The following SUMF1 variants were observed in gnomAD, a reference collection of about 807,000 sequenced individuals.
SUMF1 encodes sulfatase modifying factor 1, also known as formylglycine-generating enzyme.
In SUMF1, 48 loss-of-function variants were observed where a neutral mutation model predicts 47.6. That is an observed-to-expected ratio of 1.01 (90% CI 0.80 to 1.28). The LOEUF is 1.28. Among genes scored for constraint, SUMF1 ranks in the 50% most tolerant of loss-of-function variants. The pLI, the probability that SUMF1 is intolerant of heterozygous loss-of-function variation, is 0.00. For missense variants in SUMF1, 571 were observed against 485.4 expected (o/e 1.18, Z -1.66); for synonymous variants, 230 against 192.1 (o/e 1.20, Z -1.63).
chr3:4,274,019 T>C (rs919302616), intron 8 of SUMF1, among the ~76,000 whole-genome samples: 1 of 152,020 alleles, frequency 6.6e-6, no homozygotes, highest in Admixed American at 6.6e-5. Context: ...TAAATTCACT[T>C]TGGGGAAAAC....
At chr3:4,066,851 G>A (rs554815130) in intron 9 of SUMF1, among the ~76,000 whole-genome samples, 35 of 152,222 alleles carry the variant, frequency 2.3e-4, no homozygotes, top group South Asian at 8.3e-4. Flanking sequence ...CTGTGGCTTC[G>A]CATACGAGCA....
intron 7 of SUMF1, among the ~76,000 whole-genome samples, chr3:4,406,345 T>A (rs7631752): frequency 0.13 from 19,292 of 152,230 alleles, 3,203 homozygotes; most frequent in African/African-American, 0.39. Context: ...TACTTTGGTT[T>A]ATTCCAAAAT....
At chr3:4,438,354 C>G (rs1702470843) in intron 3 of SUMF1, among the ~76,000 whole-genome samples, 1 of 152,134 alleles carries the variant, frequency 6.6e-6, no homozygotes, top group South Asian at 2.1e-4. Flanking sequence ...TTCAACTAGG[C>G]CCTGAGTTTT....
intron 9 of SUMF1, among the ~76,000 whole-genome samples, chr3:4,048,660 A>G (rs1695049569): frequency 6.6e-6 from 1 of 152,162 alleles, no homozygotes; most frequent in Non-Finnish European, 1.5e-5. Context: ...CTCCATGTAC[A>G]AATGACCATA....
At chr3:4,181,849 G>A (rs1258333515) in intron 8 of SUMF1, among the ~76,000 whole-genome samples, 1 of 152,104 alleles carries the variant, frequency 6.6e-6, no homozygotes, top group Non-Finnish European at 1.5e-5. Context: ...GCCTCATATA[G>A]CACTACATGG....
intron 8 of SUMF1, among the ~76,000 whole-genome samples, chr3:4,174,883 C>G (rs1173269987): frequency 1.3e-5 from 2 of 152,226 alleles, no homozygotes; most frequent in African/African-American, 4.8e-5. Flanking sequence ...GTGATTCTCT[C>G]CTGTGCCTGG....
At chr3:4,419,975 G>T in intron 4 of SUMF1, 89 bp downstream of exon 4, 1 of 986,616 alleles carries the variant, frequency 1.0e-6, no homozygotes, top group Non-Finnish European at 1.6e-6. Flanking sequence ...TTTTATAGAT[G>T]AAGATGCCCA....
chr3:4,082,880 A>G (rs1483548390), intron 8 of SUMF1, among the ~76,000 whole-genome samples: 2 of 152,144 alleles, frequency 1.3e-5, no homozygotes, highest in Admixed American at 6.5e-5. Context: ...TCTATTTTAG[A>G]TGATGAAATC....
intron 7 of SUMF1, among the ~76,000 whole-genome samples, chr3:4,409,530 C>T (rs1353017382): frequency 6.6e-6 from 1 of 152,138 alleles, no homozygotes; most frequent in Non-Finnish European, 1.5e-5. Context: ...ATTCTAAGGC[C>T]TTGTGCACCC....
At chr3:4,384,096 T>C (rs1575158847) in intron 7 of SUMF1, among the ~76,000 whole-genome samples, 1 of 145,894 alleles carries the variant, frequency 6.9e-6, no homozygotes, top group Non-Finnish European at 1.6e-5. Context: ...CCATATTTCC[T>C]GCTTGTCAGT....
At chr3:4,242,745 G>A (rs923798535) in intron 8 of SUMF1, among the ~76,000 whole-genome samples, 1 of 152,088 alleles carries the variant, frequency 6.6e-6, no homozygotes, top group Non-Finnish European at 1.5e-5. Flanking sequence ...TCTTTTTGCT[G>A]TGTCTCTGCC....
chr3:4,325,125 C>T (rs1698914680), intron 8 of SUMF1, among the ~76,000 whole-genome samples: 2 of 152,094 alleles, frequency 1.3e-5, no homozygotes, highest in African/African-American at 4.8e-5. Flanking sequence ...TCAATTACCT[C>T]CCACCAGGTC....
At chr3:4,420,367 TA>T (rs1701852497) in intron 3 of SUMF1, among the ~76,000 whole-genome samples, 1 of 151,722 alleles carries the variant, frequency 6.6e-6, no homozygotes, top group Non-Finnish European at 1.5e-5. Flanking sequence ...AACAAATACA[TA>T]TGTATTTAAA....
At chr3:4,420,026 T>C (rs1287056684) in intron 4 of SUMF1, 38 bp downstream of exon 4, 4 of 1,575,814 alleles carry the variant, frequency 2.5e-6, no homozygotes, top group South Asian at 1.1e-5. Context: ...TATTTTGCAA[T>C]GGAACTTGTC....
At chr3:4,190,382 T>C (rs1305287102) in intron 8 of SUMF1, among the ~76,000 whole-genome samples, 1 of 152,134 alleles carries the variant, frequency 6.6e-6, no homozygotes, top group Non-Finnish European at 1.5e-5. Flanking sequence ...CTTGCATTAC[T>C]ATAAAGAGTA....
intron 3 of SUMF1, among the ~76,000 whole-genome samples, chr3:4,425,724 T>C (rs1481182769): frequency 3.3e-5 from 5 of 152,182 alleles, no homozygotes; most frequent in African/African-American, 1.2e-4. Context: ...AAGGGGAGTG[T>C]ATTAGTCCAT....
chr3:4,323,667 T>A (rs1444329614), intron 8 of SUMF1, among the ~76,000 whole-genome samples: 4 of 152,180 alleles, frequency 2.6e-5, no homozygotes, highest in Non-Finnish European at 5.9e-5. Flanking sequence ...TGGTAACTTG[T>A]GACTCTGAAC....
intron 8 of SUMF1, among the ~76,000 whole-genome samples, chr3:4,242,883 G>C (rs930680212): frequency 4.6e-5 from 7 of 152,250 alleles, no homozygotes; most frequent in African/African-American, 1.4e-4. Flanking sequence ...GGTAGAATTC[G>C]GGTGTGAATC....
chr3:4,439,116 G>A (rs1559300364), intron 3 of SUMF1, among the ~76,000 whole-genome samples: 1 of 152,160 alleles, frequency 6.6e-6, no homozygotes, highest in Non-Finnish European at 1.5e-5. Context: ...AACACTTGTG[G>A]AACTAAAGTG....
Sources: gnomAD v4.1 joint callset for allele counts (sites outside exome capture counted in the v4.1 genomes callset) on GRCh38, gnomAD v4.1.1 for gene constraint, MANE v1.5 for transcripts, NCBI Gene and HGNC (gene_info 2026-07-23, HGNC 2026-07-21) for gene names.